Variants in UBQLN1 observed in about 807,000 individuals in gnomAD.
UBQLN1 encodes ubiquilin-1.
A neutral mutation model predicts 65.4 loss-of-function variants in UBQLN1; 13 were observed. The observed-to-expected ratio is 0.20, with a 90% CI of 0.13 to 0.32. The LOEUF is 0.32. Ranked by LOEUF, UBQLN1 falls within the 10% of genes least tolerant of loss-of-function variation. The pLI is 1.00. For synonymous variants in UBQLN1, 267 were observed against 247.8 expected (o/e 1.08, Z -0.73); for missense variants, 561 against 724.0 (o/e 0.77, Z 2.58).
chr9:83,686,714 C>T (rs1007605947), intron 1 of UBQLN1, among the ~76,000 whole-genome samples: 17 of 152,152 alleles, frequency 1.1e-4, no homozygotes, highest in Non-Finnish European at 1.9e-4. Flanking sequence ...ACAGTATACA[C>T]AGCCAATCTC....
rs1350148985 is a variant in UBQLN1 at position 83,663,886 on chromosome 9, C to T, written c.1606G>A (p.Val536Ile). ...IQQMLQALAG[V>I]NPQLQNPEVR... Reference sequence around the variant, plus strand: ...AAAAGAACTGATACCTGAGGATTTACTCCAGCAAGAGCCTGCAGCATCTGC... The same window carrying T: ...AAAAGAACTGATACCTGAGGATTTATTCCAGCAAGAGCCTGCAGCATCTGC... The change falls in exon 10 of 11, where the codon GTA (valine) becomes ATA (isoleucine). Residue 536 changes from valine to isoleucine, a missense_variant. Val to Ile is a conservative substitution (Grantham distance 29). Coordinates refer to ENST00000376395, the MANE Select transcript of UBQLN1 (RefSeq NM_013438.5). 3.1e-6 allele frequency: 5 copies of T among 1,613,586 alleles called. No individual in the cohort carries two copies. Among genetic ancestry groups the T allele is most frequent in the Non-Finnish European group, 4.2e-6 (5 of 1,179,810 alleles).
rs75981873 is a variant in UBQLN1, at chr9:83,685,662, T to G, written c.332+342A>C. The stretch of plus-strand genomic sequence containing the variant: ...CCTTAGACTTAAAGAAATATGATTA[T>G]CAATTCGTGGTTTGCTAAGGAGATA... On this transcript the variant is annotated intron_variant, in intron 2 of 10. Transcript: ENST00000376395. 2.0e-4 allele frequency among the ~76,000 whole-genome samples: 31 copies of G among 151,432 alleles called. 1 individual carries two copies. In the East Asian group the frequency reaches 5.6e-3, roughly 27 times the overall value.
At chr9:83,679,271 T>A (rs1422817745) in intron 4 of UBQLN1, among the ~76,000 whole-genome samples, 1 of 152,232 alleles carries the variant, frequency 6.6e-6, no homozygotes, top group Non-Finnish European at 1.5e-5. Flanking sequence ...TTTTGCTTTC[T>A]TCAGCCCTTT....
In UBQLN1 at chr9:83,666,239, T is replaced by A. The variant is rs370014547; in HGVS notation, c.1332+111A>T. The A allele has an allele frequency of 1.7e-4, 167 of 954,584 alleles. 3 individuals are homozygous for A. The South Asian group carries it at 2.4e-3, about 14-fold the overall frequency. 59.1% of individuals were successfully genotyped at this position (954,584 alleles called of 1,614,324 possible). A position where few individuals can be genotyped will look rare whatever the true frequency, so the allele number is the denominator to read the frequency against. On this transcript the variant is annotated intron_variant, in intron 8 of 10. Transcript: ENST00000376395. ...CTCTACGAATTGACAGCATTATTGG[T>A]CTCTATTCTATGTTTTGCTATCAGC... is the stretch of plus-strand genomic sequence containing the variant.
rs534803636 is a variant in UBQLN1, at chr9:83,705,480, C to G, written c.180+2020G>C. Among the ~76,000 whole-genome samples the G allele has an allele frequency of 3.8e-4, 58 of 152,256 alleles. 3 individuals carry two copies. The South Asian group carries it at 0.011, about 30-fold the overall frequency. On this transcript the variant is annotated intron_variant, in intron 1 of 10. Coordinates refer to ENST00000376395, the MANE Select transcript of UBQLN1 (RefSeq NM_013438.5). ...GGCCAGGCTGGTCTCGAACCTCAGG[C>G]AATCCACCCGCCTCGGCCTCACAAA... is the stretch of plus-strand genomic sequence containing the variant.
chr9:83,702,469 T>C (rs1337259078), intron 1 of UBQLN1, among the ~76,000 whole-genome samples: 1 of 152,144 alleles, frequency 6.6e-6, no homozygotes, highest in East Asian at 1.9e-4. Context: ...TCCAACCTTC[T>C]GGATAAGATG....
At chr9:83,696,798 C>T (rs1475817145) in intron 1 of UBQLN1, among the ~76,000 whole-genome samples, 1 of 152,086 alleles carries the variant, frequency 6.6e-6, no homozygotes, top group East Asian at 1.9e-4. Flanking sequence ...CAGTCCCTGC[C>T]CCTGAAGTTC....
At chr9:83,674,237 G>A (rs1430641473) in intron 6 of UBQLN1, among the ~76,000 whole-genome samples, 3 of 149,736 alleles carry the variant, frequency 2.0e-5, no homozygotes, top group South Asian at 2.1e-4. Context: ...CAAGAAAAAA[G>A]GAAGAAGGAG....
intron 7 of UBQLN1, chr9:83,667,933 A>T (rs1028898747): frequency 2.1e-5 from 21 of 984,090 alleles, no homozygotes; most frequent in Non-Finnish European, 2.4e-5. Context: ...GTAAAAAAAT[A>T]GTATGTGAGT....
rs377286932 is a variant in UBQLN1, at chr9:83,665,062, T to G, written c.1416A>C (p.Thr472=). ...ALLQIQQGLQ[T]LATEAPGLIP... ...TGAGGCCCGGGGCTTCCGTTGCTAA[T>G]GTCTGTAAACCCTGCTGAATCTGTA... The change falls in exon 9 of 11, where the codon ACA becomes ACC. Residue 472 remains threonine (T), a synonymous_variant. Coordinates refer to ENST00000376395, the MANE Select transcript of UBQLN1 (RefSeq NM_013438.5). 6.2e-6 allele frequency: 10 copies of G among 1,613,666 alleles called. No homozygotes were observed. The highest frequency in any genetic ancestry group is 8.5e-6 in the Non-Finnish European group (10 of 1,179,902).
chr9:83,692,444 AG>A (rs1173586567), intron 1 of UBQLN1, among the ~76,000 whole-genome samples: 1 of 152,266 alleles, frequency 6.6e-6, no homozygotes, highest in Non-Finnish European at 1.5e-5. Flanking sequence ...GAAACTAAAT[AG>A]TATTGATATG....
rs1328162609 is a variant in UBQLN1, at chr9:83,663,977, G to C, written c.1515C>G (p.Ala505=). The change falls in exon 10 of 11, where the codon GCC becomes GCG. Residue 505 remains alanine, a synonymous_variant. Transcript: ENST00000376395. Reference sequence around the variant, plus strand: ...TGGGACTTGTGTTTTCACTAGGTGTGGCGTTAGATCCATTAGTTCCCGAAG... The same window carrying C: ...TGGGACTTGTGTTTTCACTAGGTGTCGCGTTAGATCCATTAGTTCCCGAAG... ...GGSSGTNGSN[A]TPSENTSPTA... The C allele has an allele frequency of 6.2e-7, 1 of 1,614,122 alleles. No individual in the cohort carries two copies. The highest frequency in any genetic ancestry group is 1.1e-5 in the South Asian group (1 of 91,074).
Position 83,669,169 on chromosome 9 carries a change from A to G in UBQLN1, c.1248+16T>C. ...TTCACACTGCACAGTCTTTTTCAAT[A>G]CAATTACAAACTCACCTGTGCAGCA... On this transcript the variant is annotated intron_variant, in intron 7 of 10. Coordinates refer to ENST00000376395, the MANE Select transcript of UBQLN1 (RefSeq NM_013438.5). The G allele has an allele frequency of 1.3e-6, 2 of 1,596,888 alleles. No individual in the cohort carries two copies. The highest frequency in any genetic ancestry group is 1.7e-6 in the Non-Finnish European group (2 of 1,176,540).
chr9:83,706,865 A>C (rs1832417503), intron 1 of UBQLN1, among the ~76,000 whole-genome samples: 1 of 152,168 alleles, frequency 6.6e-6, no homozygotes, highest in East Asian at 1.9e-4. Context: ...GTCATCAGTG[A>C]AAGAAAGTCA....
intron 3 of UBQLN1, among the ~76,000 whole-genome samples, chr9:83,680,757 G>A (rs1324033524): frequency 6.6e-6 from 1 of 152,150 alleles, no homozygotes; most frequent in East Asian, 1.9e-4. Context: ...AGTTCTAGGT[G>A]CCATTCTAGC....
At chr9:83,664,375 C>T (rs755578075) in intron 9 of UBQLN1, among the ~76,000 whole-genome samples, 40 of 152,014 alleles carry the variant, frequency 2.6e-4, no homozygotes, top group Admixed American at 5.2e-4. Flanking sequence ...GCTGAGATCG[C>T]GCCACTGCAC....
At chr9:83,682,826 T>TG (rs1051268895) in intron 3 of UBQLN1, 125 bp downstream of exon 3, 204 of 488,292 alleles carry the variant, frequency 4.2e-4, no homozygotes, top group Non-Finnish European at 6.8e-4. Context: ...GAATGTATGT[T>TG]TTTTTTTTTT....
At chr9:83,684,055 T>A (rs1267011085) in intron 2 of UBQLN1, among the ~76,000 whole-genome samples, 2 of 151,884 alleles carry the variant, frequency 1.3e-5, no homozygotes, top group African/African-American at 2.4e-5. Flanking sequence ...AACCCACAAC[T>A]TTTTTATCTA....
At chr9:83,668,255 A>T in intron 7 of UBQLN1, 1 of 984,918 alleles carries the variant, frequency 1.0e-6, no homozygotes, top group Non-Finnish European at 1.2e-6. Flanking sequence ...ATACACAAAG[A>T]TACCTGAATC....
Sources: allele counts gnomAD v4.1 joint callset (sites outside exome capture counted in the v4.1 genomes callset), GRCh38; gene constraint gnomAD v4.1.1; transcripts MANE v1.5; gene names NCBI Gene and HGNC (gene_info 2026-07-23, HGNC 2026-07-21).